The following GPR180 variants were observed in gnomAD, a reference collection of about 807,000 sequenced individuals.
GPR180 encodes the protein G protein-coupled receptor 180.
In GPR180, 53 loss-of-function variants were observed where a neutral mutation model predicts 52.6. The ratio of observed to expected loss-of-function variants is 1.01; its 90% CI spans 0.81 to 1.27. GPR180 has a LOEUF of 1.27. Ranked by LOEUF, GPR180 falls within the 50% of genes most tolerant of loss-of-function variation. The pLI, the probability that GPR180 is intolerant of heterozygous loss-of-function variation, is 0.00. For missense variants in GPR180, 533 were observed against 527.0 expected, an observed-to-expected ratio of 1.01 and a Z score of -0.11; for synonymous variants, 200 against 193.1, an observed-to-expected ratio of 1.04 and a Z score of -0.30.
intron 3 of GPR180, among the ~76,000 whole-genome samples, chr13:94,617,397 C>G (rs1243549285): frequency 6.6e-6 from 1 of 152,032 alleles, no homozygotes; most frequent in African/African-American, 2.4e-5. Context: ...CTGTCTTGTT[C>G]CGGTACTATA....
At chr13:94,612,971 C>T (rs1889729625) in intron 3 of GPR180, among the ~76,000 whole-genome samples, 1 of 152,152 alleles carries the variant, frequency 6.6e-6, no homozygotes, top group Non-Finnish European at 1.5e-5. Context: ...CAGATGTACT[C>T]ATATGAAATA....
intron 3 of GPR180, among the ~76,000 whole-genome samples, chr13:94,615,235 C>G (rs887414874): frequency 6.6e-6 from 1 of 152,190 alleles, no homozygotes; most frequent in African/African-American, 2.4e-5. Flanking sequence ...ATTCTTCCTA[C>G]TTTGTAGCCT....
intron 2 of GPR180, among the ~76,000 whole-genome samples, chr13:94,610,122 A>G (rs899205867): frequency 1.3e-5 from 2 of 152,200 alleles, no homozygotes; most frequent in Admixed American, 6.5e-5. Context: ...ATGTGAAAAT[A>G]AGCAGCAGGT....
At chr13:94,602,107 G>T in intron 1 of GPR180, 35 bp downstream of exon 1, 1 of 1,292,778 alleles carries the variant, frequency 7.7e-7, no homozygotes, top group Non-Finnish European at 9.8e-7. Flanking sequence ...ATGAAGGCGC[G>T]CTGGCCCATC....
intron 2 of GPR180, among the ~76,000 whole-genome samples, chr13:94,608,611 T>C (rs1463244305): frequency 6.6e-6 from 1 of 152,204 alleles, no homozygotes; most frequent in Non-Finnish European, 1.5e-5. Flanking sequence ...GTCATATTTA[T>C]GGTATGTTAT....
At chr13:94,602,107 G>C in intron 1 of GPR180, 35 bp downstream of exon 1, 8 of 1,292,778 alleles carry the variant, frequency 6.2e-6, no homozygotes, top group Non-Finnish European at 7.9e-6. Flanking sequence ...ATGAAGGCGC[G>C]CTGGCCCATC....
intron 3 of GPR180, among the ~76,000 whole-genome samples, chr13:94,614,060 G>A (rs971495899): frequency 6.6e-6 from 1 of 151,970 alleles, no homozygotes; most frequent in African/African-American, 2.4e-5. Context: ...TGTATTTTTA[G>A]TAGAGACGAG....
At chr13:94,614,187 G>GT (rs1186708621) in intron 3 of GPR180, among the ~76,000 whole-genome samples, 1 of 152,186 alleles carries the variant, frequency 6.6e-6, no homozygotes, top group East Asian at 1.9e-4. Flanking sequence ...CTTTTTAACT[G>GT]TAAGACTTCA....
At chr13:94,606,607 A>C (rs960075957) in intron 2 of GPR180, among the ~76,000 whole-genome samples, 2 of 152,196 alleles carry the variant, frequency 1.3e-5, no homozygotes, top group African/African-American at 4.8e-5. Flanking sequence ...TTTTCCTCTT[A>C]TTATTCAGGG....
Position 94,632,284 on chromosome 13 carries a change from A to G in GPR180, c.*5113A>G, listed in dbSNP as rs1206763235. On this transcript the variant is annotated 3_prime_UTR_variant, in exon 9 of 9. Transcript: ENST00000376958. ...AATCAGAAAGTTGAAAAAGGTGGGG[A>G]AAAGAAGTCCTTCTCTCACTCATTT... is the stretch of plus-strand genomic sequence containing the variant. 2.0e-5 allele frequency: 3 copies of G among 152,334 alleles called. No individual in the cohort carries two copies. The East Asian group carries it at 5.8e-4, about 29-fold the overall frequency. The allele number at this position is 152,334 out of a possible 1,614,324, so 9.4% of individuals were successfully genotyped here.
At position 94,633,792 on chromosome 13, in the gene GPR180, TG is replaced by T. The variant is rs1259418583; in HGVS notation, c.*6622del. 6.0e-4 allele frequency: 92 copies of T among 152,294 alleles called. No individual in the cohort carries two copies. Among genetic ancestry groups the T allele is most frequent in the African/African-American group, 2.2e-3 (90 of 41,586 alleles). 9.4% of individuals were successfully genotyped at this position (152,294 alleles called of 1,614,324 possible). A position where few individuals can be genotyped will look rare whatever the true frequency, so the allele number is the denominator to read the frequency against. On this transcript the variant is annotated 3_prime_UTR_variant, in exon 9 of 9. Transcript: ENST00000376958. ...TTAGCTCTTTGAGATTATGTTTAAATGCCCTGTATTTTCATCTAGTGGTTTT... is the reference window on the plus strand; with the variant it reads ...TTAGCTCTTTGAGATTATGTTTAAATCCCTGTATTTTCATCTAGTGGTTTT...
At position 94,619,199 on chromosome 13, in the gene GPR180, T is replaced by C. The variant is rs771056753; in HGVS notation, c.555T>C (p.Ala185=). 4 of 1,614,104 alleles carry C rather than the reference T, an allele frequency of 2.5e-6. No individual in the cohort carries two copies. The East Asian group carries it at 8.9e-5, about 36-fold the overall frequency. Residue 185 remains alanine (A), a synonymous_variant, in exon 4 of 9, where the codon GCT becomes GCC. Coordinates refer to ENST00000376958, the MANE Select transcript of GPR180 (RefSeq NM_180989.6). ...FLLVLVYFVI[A]CIYAQSLWQA... ...TAGTCCTAGTGTACTTTGTGATTGC[T>C]TGCATTTATGCTCAATCATTGTGGC...
chr13:94,614,362 G>A (rs1385556469), intron 3 of GPR180, among the ~76,000 whole-genome samples: 1 of 152,196 alleles, frequency 6.6e-6, no homozygotes, highest in East Asian at 1.9e-4. Flanking sequence ...TCAAAAGGTG[G>A]TTTTATGTAT....
chr13:94,602,045 C>T lies in GPR180; in HGVS notation c.118C>T (p.Gln40Ter), dbSNP rs773583764. The change falls in exon 1 of 9, where the codon CAG (glutamine) becomes TAG (stop). Residue 40 changes from glutamine to a stop codon, truncating the protein, a stop_gained. Coordinates refer to ENST00000376958, the MANE Select transcript of GPR180 (RefSeq NM_180989.6). LOFTEE classifies it high-confidence loss of function. ...CACCGCGGCCCAGGACGCCCAGGGC[C>T]AGCGCATCGGCCACTTCGAGTTCCA... ...SSTAAQDAQG[Q>*]RIGHFEFHGD... The T allele has an allele frequency of 3.1e-5, 45 of 1,441,226 alleles. No individual in the cohort carries two copies. The highest frequency in any genetic ancestry group is 4.0e-5 in the Non-Finnish European group (44 of 1,096,064). 89.3% of individuals were successfully genotyped at this position (1,441,226 alleles called of 1,614,324 possible).
chr13:94,615,377 A>T (rs2139568586), intron 3 of GPR180, among the ~76,000 whole-genome samples: 1 of 152,336 alleles, frequency 6.6e-6, no homozygotes, highest in East Asian at 1.9e-4. Flanking sequence ...CTATTACCAC[A>T]TGTCTCAGAG....
intron 6 of GPR180, among the ~76,000 whole-genome samples, chr13:94,622,280 T>C (rs185389865): frequency 7.6e-4 from 116 of 152,342 alleles, no homozygotes; most frequent in African/African-American, 2.6e-3. Flanking sequence ...AGTGTCAATG[T>C]CAGGTTAAAT....
intron 2 of GPR180, among the ~76,000 whole-genome samples, chr13:94,611,590 G>T (rs1889704658): frequency 6.6e-6 from 1 of 151,944 alleles, no homozygotes; most frequent in Non-Finnish European, 1.5e-5. Context: ...GCGAGACTTG[G>T]CACTTTCCTC....
In GPR180 at chr13:94,630,273, A is replaced by G. The variant is rs1889977349; in HGVS notation, c.*3102A>G. The stretch of plus-strand genomic sequence containing the variant: ...CCTTCTGCACAGCTCCAGGGGCATC[A>G]TATGTGTTGTGCTGTAGGAGTGCCA... On this transcript the variant is annotated 3_prime_UTR_variant, in exon 9 of 9. Transcript: ENST00000376958. 1 of 152,160 alleles carries G rather than the reference A, an allele frequency of 6.6e-6. No homozygotes were observed. Among genetic ancestry groups the G allele is most frequent in the African/African-American group, 2.4e-5 (1 of 41,444 alleles). 9.4% of individuals were successfully genotyped at this position (152,160 alleles called of 1,614,324 possible). A position where few individuals can be genotyped will look rare whatever the true frequency, so the allele number is the denominator to read the frequency against.
At position 94,627,072 on chromosome 13, in the gene GPR180, C is replaced by A; in HGVS notation, c.1224C>A (p.Leu408=). 1 of 1,610,986 alleles carries A rather than the reference C, an allele frequency of 6.2e-7. No individual in the cohort carries two copies. The highest frequency in any genetic ancestry group is 8.5e-7 in the Non-Finnish European group (1 of 1,177,594). ...QSVSMVILYR[L]FLSHSLYWEV... Reference sequence around the variant, plus strand: ...TTTCCATGGTTATTCTCTACAGACTCTTTCTGTCTCACAGTCTATACTGGG... The same window carrying A: ...TTTCCATGGTTATTCTCTACAGACTATTTCTGTCTCACAGTCTATACTGGG... The change falls in exon 9 of 9, where the codon CTC becomes CTA. Residue 408 remains leucine (L), a synonymous_variant. Coordinates refer to ENST00000376958, the MANE Select transcript of GPR180 (RefSeq NM_180989.6).
Sources: allele counts gnomAD v4.1 joint callset (sites outside exome capture counted in the v4.1 genomes callset), GRCh38; gene constraint gnomAD v4.1.1; transcripts MANE v1.5; gene names NCBI Gene and HGNC (gene_info 2026-07-23, HGNC 2026-07-21).